Variants in DPP10 observed in about 807,000 individuals in gnomAD.
DPP10 encodes dipeptidyl peptidase like 10.
In DPP10, 33 loss-of-function variants were observed where a neutral mutation model predicts 120.9. The observed-to-expected ratio is 0.27, with a 90% CI of 0.21 to 0.37. DPP10 has a LOEUF of 0.37. Among genes scored for constraint, DPP10 ranks in the 10% least tolerant of loss-of-function variants. DPP10 has a pLI of 1.00. For synonymous variants in DPP10, 337 were observed against 326.1 expected (o/e 1.03, Z -0.36); for missense variants, 816 against 942.8 (o/e 0.87, Z 1.76).
intron 1 of DPP10, among the ~76,000 whole-genome samples, chr2:114,617,041 A>G (rs1231305826): frequency 6.6e-6 from 1 of 152,178 alleles, no homozygotes; most frequent in Admixed American, 6.6e-5. Context: ...ACCAGTTAAC[A>G]TCAGAAAAAT....
At chr2:114,955,170 C>G (rs560273548) in intron 1 of DPP10, among the ~76,000 whole-genome samples, 1 of 152,312 alleles carries the variant, frequency 6.6e-6, no homozygotes, top group African/African-American at 2.4e-5. Context: ...TTGATGTATG[C>G]TAAACAAAGG....
At chr2:115,067,487 C>T (rs771096206) in intron 1 of DPP10, among the ~76,000 whole-genome samples, 3 of 149,542 alleles carry the variant, frequency 2.0e-5, no homozygotes, top group Non-Finnish European at 4.5e-5. Flanking sequence ...CTCCTGACCT[C>T]GTGATCCCCC....
chr2:114,703,127 C>T (rs1700484257), intron 1 of DPP10, among the ~76,000 whole-genome samples: 1 of 152,046 alleles, frequency 6.6e-6, no homozygotes, highest in Admixed American at 6.6e-5. Context: ...TATGTGAAAT[C>T]ACTTTCAAAA....
intron 1 of DPP10, among the ~76,000 whole-genome samples, chr2:114,677,133 A>G (rs1698725243): frequency 6.6e-6 from 1 of 152,086 alleles, no homozygotes; most frequent in African/African-American, 2.4e-5. Context: ...CCTTCAGCCC[A>G]GTGTTTTCAC....
chr2:114,978,270 C>A (rs1039342678), intron 1 of DPP10, among the ~76,000 whole-genome samples: 2 of 151,988 alleles, frequency 1.3e-5, no homozygotes, highest in African/African-American at 4.8e-5. Context: ...GAGTGAAGAA[C>A]CAATATATTC....
At chr2:115,139,990 C>T (rs1172926353) in intron 1 of DPP10, among the ~76,000 whole-genome samples, 3 of 152,088 alleles carry the variant, frequency 2.0e-5, no homozygotes, top group Non-Finnish European at 4.4e-5. Flanking sequence ...CCATAAGGGG[C>T]AAACACCATT....
chr2:115,070,835 T>C (rs994245967), intron 1 of DPP10, among the ~76,000 whole-genome samples: 24 of 152,160 alleles, frequency 1.6e-4, no homozygotes, highest in Non-Finnish European at 5.9e-5. Flanking sequence ...AATAAGAAAA[T>C]GTATTAACTA....
chr2:114,913,752 C>A (rs1383344403), intron 1 of DPP10, among the ~76,000 whole-genome samples: 3 of 152,166 alleles, frequency 2.0e-5, no homozygotes, highest in Non-Finnish European at 4.4e-5. Context: ...GATTCAGAAT[C>A]TGGATGACAA....
chr2:115,735,271 G>A (rs2093008951), intron 8 of DPP10, among the ~76,000 whole-genome samples: 1 of 152,118 alleles, frequency 6.6e-6, no homozygotes, highest in African/African-American at 2.4e-5. Flanking sequence ...GATGGTATTA[G>A]TCCTGTTATA....
At chr2:115,268,956 G>C (rs1007630077) in intron 1 of DPP10, among the ~76,000 whole-genome samples, 4 of 152,094 alleles carry the variant, frequency 2.6e-5, no homozygotes, top group African/African-American at 9.7e-5. Context: ...AGACCAGCTT[G>C]GCCAACATAG....
intron 1 of DPP10, among the ~76,000 whole-genome samples, chr2:114,723,821 CTT>C (rs1303555541): frequency 5.9e-5 from 9 of 152,010 alleles, no homozygotes; most frequent in African/African-American, 2.2e-4. Context: ...ATATTTATGA[CTT>C]AATATGTCAT....
intron 2 of DPP10, among the ~76,000 whole-genome samples, chr2:115,322,528 C>T (rs1184463678): frequency 6.6e-6 from 1 of 152,186 alleles, no homozygotes; most frequent in East Asian, 1.9e-4. Flanking sequence ...TTAATCTTTA[C>T]TTCCTGCCTC....
chr2:115,075,386 G>A (rs1707702501), intron 1 of DPP10, among the ~76,000 whole-genome samples: 2 of 152,212 alleles, frequency 1.3e-5, no homozygotes, highest in South Asian at 2.1e-4. Context: ...CAGTCAGTGT[G>A]TAAAGATAGG....
chr2:115,623,727 G>A (rs2085149106), intron 5 of DPP10, among the ~76,000 whole-genome samples: 1 of 152,106 alleles, frequency 6.6e-6, no homozygotes, highest in South Asian at 2.1e-4. Context: ...GTTCTGAGGA[G>A]GAGACTCTCC....
At chr2:115,490,254 T>G (rs1305955093) in intron 3 of DPP10, among the ~76,000 whole-genome samples, 2 of 152,108 alleles carry the variant, frequency 1.3e-5, no homozygotes, top group South Asian at 4.1e-4. Context: ...AAACTTACAA[T>G]CATGGCAGAA....
At chr2:115,215,307 A>G (rs997456603) in intron 1 of DPP10, among the ~76,000 whole-genome samples, 1 of 152,202 alleles carries the variant, frequency 6.6e-6, no homozygotes, top group Non-Finnish European at 1.5e-5. Flanking sequence ...TATTTCAATA[A>G]TGAATTTTTA....
At chr2:115,287,223 G>A (rs2060440835) in intron 1 of DPP10, among the ~76,000 whole-genome samples, 1 of 152,098 alleles carries the variant, frequency 6.6e-6, no homozygotes, top group Non-Finnish European at 1.5e-5. Flanking sequence ...ATTGAGGCAA[G>A]TGAAAAGTAA....
At chr2:114,658,766 C>A (rs1697159827) in intron 1 of DPP10, among the ~76,000 whole-genome samples, 1 of 152,022 alleles carries the variant, frequency 6.6e-6, no homozygotes, top group Admixed American at 6.6e-5. Context: ...TAGTGGATAC[C>A]TGTGATTGAA....
At chr2:115,349,585 C>T (rs2063892290) in intron 3 of DPP10, among the ~76,000 whole-genome samples, 1 of 151,958 alleles carries the variant, frequency 6.6e-6, no homozygotes, top group Admixed American at 6.6e-5. Context: ...AATAAATGCG[C>T]TGGGAGGTCT....
Sources: gnomAD v4.1 joint callset for allele counts (sites outside exome capture counted in the v4.1 genomes callset) on GRCh38, gnomAD v4.1.1 for gene constraint, MANE v1.5 for transcripts, NCBI Gene and HGNC (gene_info 2026-07-23, HGNC 2026-07-21) for gene names.